Variants in B4GALT6 observed in about 807,000 individuals in gnomAD.
B4GALT6 encodes UDP-Gal:beta-GlcNAc beta-1,4-galactosyltransferase 6.
Under a neutral mutation model 46.3 loss-of-function variants are expected in B4GALT6, and 14 were observed. That is an observed-to-expected ratio of 0.30 (90% CI 0.20 to 0.47). B4GALT6 has a LOEUF of 0.47. Ranked by LOEUF, B4GALT6 falls within the 20% of genes least tolerant of loss-of-function variation. The pLI is 0.99. For synonymous variants in B4GALT6, 168 were observed against 162.0 expected (o/e 1.04, Z -0.28); for missense variants, 386 against 480.1 (o/e 0.80, Z 1.83).
chr18:31,668,229 G>T (rs1379512902), intron 1 of B4GALT6, among the ~76,000 whole-genome samples: 1 of 152,144 alleles, frequency 6.6e-6, no homozygotes, highest in East Asian at 1.9e-4. Flanking sequence ...AATACCGCAT[G>T]TTCTCACTTG....
chr18:31,659,597 C>T (rs2074186912), intron 2 of B4GALT6, among the ~76,000 whole-genome samples: 4 of 152,142 alleles, frequency 2.6e-5, no homozygotes. Flanking sequence ...CACAGGGCAT[C>T]AGTAAGGTGT....
rs148154283 is a variant in B4GALT6 at position 31,654,288 on chromosome 18, A to C, written c.346+3688T>G. Among the ~76,000 whole-genome samples, 11 of 152,346 alleles carry C rather than the reference A, an allele frequency of 7.2e-5. No homozygotes were observed. The East Asian group carries it at 2.1e-3, about 29-fold the overall frequency. On this transcript the variant is annotated intron_variant, in intron 3 of 8. Transcript: ENST00000306851. ...ATTTCTACCTCACCCATAAAAATTA[A>C]AATCAAAACATCCACACTAAGCACT... is the stretch of plus-strand genomic sequence containing the variant.
upstream of B4GALT6, chr18:31,684,869 G>T: frequency 2.7e-6 from 2 of 740,846 alleles, no homozygotes; most frequent in Non-Finnish European, 3.3e-6. Context: ...CCCGCGCCCG[G>T]CGGGGTCCCG....
chr18:31,709,977 C>A, the B4GALT6 span, among the ~76,000 whole-genome samples: 1 of 151,814 alleles, frequency 6.6e-6, no homozygotes, highest in Non-Finnish European at 1.5e-5. Flanking sequence ...CGCCTGTAAT[C>A]CCAGCTACTC....
At chr18:31,651,952 G>T (rs1055535439) in intron 3 of B4GALT6, among the ~76,000 whole-genome samples, 1 of 151,718 alleles carries the variant, frequency 6.6e-6, no homozygotes, top group Non-Finnish European at 1.5e-5. Context: ...TTTTATTTTT[G>T]GTAGAGACGG....
the B4GALT6 span, among the ~76,000 whole-genome samples, chr18:31,704,208 G>A: frequency 2.0e-5 from 3 of 150,676 alleles, no homozygotes; most frequent in Admixed American, 6.6e-5. Flanking sequence ...ATCTTTTTAT[G>A]AAAGAACATG....
chr18:31,657,562 G>A (rs80217525), intron 3 of B4GALT6, among the ~76,000 whole-genome samples: 1 of 152,320 alleles, frequency 6.6e-6, no homozygotes, highest in African/African-American at 2.4e-5. Flanking sequence ...TTACTTCTGA[G>A]GAAGGAATGG....
At chr18:31,645,873 C>T (rs1038665814) in intron 3 of B4GALT6, among the ~76,000 whole-genome samples, 1 of 152,134 alleles carries the variant, frequency 6.6e-6, no homozygotes, top group African/African-American at 2.4e-5. Context: ...CACAATGGCA[C>T]AGTACTTAAC....
intron 5 of B4GALT6, among the ~76,000 whole-genome samples, chr18:31,637,054 T>C (rs904525253): frequency 6.6e-6 from 1 of 152,054 alleles, no homozygotes; most frequent in South Asian, 2.1e-4. Context: ...CTCCTGACCA[T>C]GTGATCCACC....
At chr18:31,682,683 C>T (rs79762259) in intron 1 of B4GALT6, among the ~76,000 whole-genome samples, 106 of 152,102 alleles carry the variant, frequency 7.0e-4, no homozygotes, top group African/African-American at 2.4e-3. Context: ...TAACATGTTA[C>T]TCATAATACT....
At chr18:31,722,995 G>A in the B4GALT6 span, among the ~76,000 whole-genome samples, 1 of 152,086 alleles carries the variant, frequency 6.6e-6, no homozygotes, top group Non-Finnish European at 1.5e-5. Context: ...TTTAAATCTT[G>A]GCATACTCAA....
the B4GALT6 span, among the ~76,000 whole-genome samples, chr18:31,720,727 T>C: frequency 1.3e-5 from 2 of 152,188 alleles, no homozygotes; most frequent in African/African-American, 2.4e-5. Context: ...GGCATGTGTG[T>C]CACCCTGCTC....
chr18:31,658,135 T>G, intron 2 of B4GALT6, 46 bp from the exon 3 acceptor site: 3 of 1,315,682 alleles, frequency 2.3e-6, no homozygotes, highest in Non-Finnish European at 2.2e-6. Flanking sequence ...AAAGGCCTTT[T>G]GCTTTCTCCC....
the B4GALT6 span, among the ~76,000 whole-genome samples, chr18:31,720,303 G>A: frequency 1.3e-5 from 2 of 152,226 alleles, no homozygotes; most frequent in African/African-American, 4.8e-5. Flanking sequence ...CCTCACTTCT[G>A]AGCAGAGTGT....
the B4GALT6 span, among the ~76,000 whole-genome samples, chr18:31,722,437 G>A: frequency 6.6e-5 from 10 of 152,184 alleles, no homozygotes; most frequent in Admixed American, 6.5e-4. Context: ...TCAATTGTGA[G>A]TGGAATTAAA....
chr18:31,654,837 T>G (rs769679124), intron 3 of B4GALT6, among the ~76,000 whole-genome samples: 3 of 152,222 alleles, frequency 2.0e-5, no homozygotes, highest in Non-Finnish European at 4.4e-5. Flanking sequence ...GATTTTATAC[T>G]TATGTATTTT....
upstream of B4GALT6, among the ~76,000 whole-genome samples, chr18:31,687,936 T>A (rs879149460): frequency 6.6e-6 from 1 of 152,142 alleles, no homozygotes; most frequent in Admixed American, 6.5e-5. Flanking sequence ...TTGAATTTGC[T>A]TGTGAGCATG....
chr18:31,692,421 C>G, the B4GALT6 span, among the ~76,000 whole-genome samples: 1 of 152,194 alleles, frequency 6.6e-6, no homozygotes, highest in Non-Finnish European at 1.5e-5. Context: ...GTAGTGATGT[C>G]TCATTTTGGT....
Position 31,625,659 on chromosome 18 carries a change from T to G in B4GALT6, c.1104A>C (p.Ile368=), listed in dbSNP as rs113933016. Reference sequence around the variant, plus strand: ...CTAACTCTGGCATGAGGTTTACAGATATGTTTGTATACAACCTATCAACCA... The same window carrying G: ...CTAACTCTGGCATGAGGTTTACAGAGATGTTTGTATACAACCTATCAACCA... The part of the protein sequence containing the change: ...KILVDRLYTN[I]SVNLMPELAP... Residue 368 remains isoleucine (I), a synonymous_variant, in exon 9 of 9, where the codon ATA becomes ATC. Coordinates refer to ENST00000306851, the MANE Select transcript of B4GALT6 (RefSeq NM_004775.5). The G allele has an allele frequency of 6.2e-7, 1 of 1,613,672 alleles. No homozygotes were observed. Among genetic ancestry groups the G allele is most frequent in the Admixed American group, 1.7e-5 (1 of 59,894 alleles).
Sources: gnomAD v4.1 joint callset for allele counts (sites outside exome capture counted in the v4.1 genomes callset) on GRCh38, gnomAD v4.1.1 for gene constraint, MANE v1.5 for transcripts, NCBI Gene and HGNC (gene_info 2026-07-23, HGNC 2026-07-21) for gene names.